The following SHANK1 variants were observed in gnomAD, a reference collection of about 807,000 sequenced individuals.
The protein encoded by SHANK1 is SH3 and multiple ankyrin repeat domains protein 1.
SHANK1 carries 35 observed loss-of-function variants against 165.6 expected under a neutral mutation model. The ratio of observed to expected loss-of-function variants is 0.21; its 90% CI spans 0.16 to 0.28. The LOEUF (loss-of-function observed/expected upper bound fraction) is 0.28. Ranked by LOEUF, SHANK1 falls within the 10% of genes least tolerant of loss-of-function variation. SHANK1 has a pLI of 1.00. For synonymous variants in SHANK1, 1,428 were observed against 1,384.8 expected (o/e 1.03, Z -0.69); for missense variants, 2,681 against 3,036.4 (o/e 0.88, Z 2.75).
At chr19:50,675,363 C>T (rs1276341991) in intron 21 of SHANK1, among the ~76,000 whole-genome samples, 1 of 152,218 alleles carries the variant, frequency 6.6e-6, no homozygotes, top group African/African-American at 2.4e-5. Flanking sequence ...CTGGTGGCTA[C>T]CAAATTGGAC....
rs890908104 is a variant in SHANK1 at position 50,713,710 on chromosome 19, T to C, written c.792+88A>G. The C allele has an allele frequency of 2.6e-6, 4 of 1,546,560 alleles. No homozygotes were observed. The highest frequency in any genetic ancestry group is 3.5e-6 in the Non-Finnish European group (4 of 1,137,806). On this transcript the variant is annotated intron_variant, in intron 6 of 23. Transcript: ENST00000293441. The surrounding 1 kb of genome is among the most constrained non-coding windows in gnomAD (Gnocchi z 6.2). ...GGACATGAGAGGGCCTATTTTTAAC[T>C]GAAACCAAAGAACTGAGGTTTGAGA...
chr19:50,673,701 T>C (rs1985882147), intron 21 of SHANK1, among the ~76,000 whole-genome samples: 1 of 152,152 alleles, frequency 6.6e-6, no homozygotes, highest in South Asian at 2.1e-4. Context: ...ATGATGCTTT[T>C]AGGGGAAGTG....
Position 50,702,549 on chromosome 19 carries a change from G to A in SHANK1, c.1665C>T (p.Pro555=), listed in dbSNP as rs146391723. The change falls in exon 12 of 24, where the codon CCC becomes CCT. Residue 555 remains proline (P), a synonymous_variant. Transcript: ENST00000293441. This position sits in a 1 kb window ranked among gnomAD's most constrained non-coding sequence, Gnocchi z 5.3. ...GRRRKLYSAV[P]GRSFMAVKSY... ...ACTTCACAGCCATGAAGGAGCGTCC[G>A]GGTACCGCTGAGTAGAGCTTCCTCC... The A allele has an allele frequency of 6.8e-3, 11,004 of 1,613,106 alleles. 59 individuals carry two copies. The highest frequency in any genetic ancestry group is 8.7e-3 in the Non-Finnish European group (10,231 of 1,179,846).
rs1488613653 is a variant in SHANK1, at chr19:50,719,563, G to C, written c.-201C>G. The stretch of plus-strand genomic sequence containing the variant: ...GAGGGGGCGGGCGGGGACCGGGGGG[G>C]AGGGCGGGAGGGCCGAGGACCTCAC... On this transcript the variant is annotated 5_prime_UTR_variant, in exon 1 of 24. Transcript: ENST00000293441. The C allele has an allele frequency of 6.9e-6, 1 of 145,874 alleles. No homozygotes were observed. The highest frequency in any genetic ancestry group is 2.5e-5 in the African/African-American group (1 of 39,962). The allele number at this position is 145,874 out of a possible 1,614,324, so 9.0% of individuals were successfully genotyped here.
chr19:50,710,529 G>A (rs1306517097), intron 8 of SHANK1, among the ~76,000 whole-genome samples: 2 of 152,198 alleles, frequency 1.3e-5, no homozygotes, highest in South Asian at 2.1e-4. Flanking sequence ...CTGCAGCTCA[G>A]GTGGCTAAAG....
rs757693938 is a variant in SHANK1 at position 50,716,410 on chromosome 19, G to A, written c.324C>T (p.Ser108=). 21 of 1,614,086 alleles carry A rather than the reference G, an allele frequency of 1.3e-5. No individual in the cohort carries two copies. The South Asian group carries it at 1.6e-4, about 13-fold the overall frequency. The change falls in exon 3 of 24, where the codon AGC becomes AGT. Residue 108 remains serine, a synonymous_variant. Coordinates refer to ENST00000293441, the MANE Select transcript of SHANK1 (RefSeq NM_016148.5). This position sits in a 1 kb window ranked among gnomAD's most constrained non-coding sequence, Gnocchi z 8.4. Reference sequence around the variant, plus strand: ...AGTTGAGCACATCCTGCAGGCTCTCGCTCAGGGCACAGAGCACCTGCTGCT... The same window carrying A: ...AGTTGAGCACATCCTGCAGGCTCTCACTCAGGGCACAGAGCACCTGCTGCT... The part of the protein sequence containing the change: ...TAKQQVLCAL[S]ESLQDVLNYG...
In SHANK1 at chr19:50,697,714, TCC is replaced by T; in HGVS notation, c.1862-52_1862-51del. On this transcript the variant is annotated intron_variant, in intron 13 of 23. Transcript: ENST00000293441. This position sits in a 1 kb window ranked among gnomAD's most constrained non-coding sequence, Gnocchi z 4.7. ...TGGACTCTTGTTTTGGAAACCACAA[TCC>T]CAGCCCTAGAGCTCCTGGCCCAAGT... The T allele has an allele frequency of 6.3e-7, 1 of 1,587,686 alleles. No homozygotes were observed.
intron 21 of SHANK1, among the ~76,000 whole-genome samples, chr19:50,680,641 C>T (rs1986146602): frequency 1.3e-5 from 2 of 150,818 alleles, no homozygotes; most frequent in Non-Finnish European, 2.9e-5. Flanking sequence ...TTTCCAAGTC[C>T]TTAGATAGTG....
rs370691948 is a variant in SHANK1 at position 50,690,267 on chromosome 19, C to G, written c.1965-988G>C. On this transcript the variant is annotated intron_variant, in intron 15 of 23. Coordinates refer to ENST00000293441, the MANE Select transcript of SHANK1 (RefSeq NM_016148.5). This position sits in a 1 kb window ranked among gnomAD's most constrained non-coding sequence, Gnocchi z 4.9. ...ATGCCACCAGCACATTTAGGTAAGG[C>G]TCACGTACCCAGGAAATGTCAATGA... 3.9e-5 allele frequency among the ~76,000 whole-genome samples: 6 copies of G among 152,088 alleles called. No individual in the cohort carries two copies. The highest frequency in any genetic ancestry group is 8.8e-5 in the Non-Finnish European group (6 of 68,002).
intron 15 of SHANK1, among the ~76,000 whole-genome samples, chr19:50,692,849 A>T (rs1986585397): frequency 1.0e-5 from 1 of 99,382 alleles, no homozygotes. Context: ...CTCACACCCT[A>T]TGGAGCCATC....
intron 21 of SHANK1, among the ~76,000 whole-genome samples, chr19:50,682,747 G>C (rs929236910): frequency 1.3e-5 from 2 of 152,208 alleles, no homozygotes; most frequent in Admixed American, 6.5e-5. Flanking sequence ...AATTTAGTGA[G>C]TGAATATGGA....
rs116658867 is a variant in SHANK1, at chr19:50,697,636, G to A, written c.1890C>T (p.Leu630=). The A allele has an allele frequency of 1.2e-3, 1,988 of 1,614,054 alleles. 20 individuals carry two copies. The African/African-American group carries it at 0.023, about 19-fold the overall frequency. The change falls in exon 14 of 24, where the codon CTC becomes CTT. Residue 630 remains leucine (L), a synonymous_variant. Transcript: ENST00000293441. The surrounding 1 kb of genome is among the most constrained non-coding windows in gnomAD (Gnocchi z 4.7). ...QESRSDKAKR[L]FRHYTVGSYD... ...AGGAGCCCACGGTATAATGCCGGAA[G>A]AGTCTCTTTGCCTTGTCACTGCGGC... is the stretch of plus-strand genomic sequence containing the variant.
In SHANK1 at chr19:50,660,434, T is replaced by C. The variant is rs972647051; in HGVS notation, c.*1531A>G. Reference sequence around the variant, plus strand: ...ATGGTGAGCAGGAAGCCAGTGTGCATAGGGTCTTCTCTCACCAGGAAGAGA... The same window carrying C: ...ATGGTGAGCAGGAAGCCAGTGTGCACAGGGTCTTCTCTCACCAGGAAGAGA... On this transcript the variant is annotated 3_prime_UTR_variant, in exon 24 of 24. Coordinates refer to ENST00000293441, the MANE Select transcript of SHANK1 (RefSeq NM_016148.5). 3.3e-5 allele frequency among the ~76,000 whole-genome samples: 5 copies of C among 151,800 alleles called. No individual in the cohort carries two copies. Among genetic ancestry groups the C allele is most frequent in the African/African-American group, 1.2e-4 (5 of 41,314 alleles).
chr19:50,667,333 G>A lies in SHANK1; in HGVS notation c.4627C>T (p.Pro1543Ser), dbSNP rs1411668507. 1.9e-6 allele frequency: 3 copies of A among 1,575,284 alleles called. No individual in the cohort carries two copies. The highest frequency in any genetic ancestry group is 2.7e-5 in the African/African-American group (2 of 74,586). ...GCGGGAGGCGGCAGGACCAGCAGGG[G>A]CAGCCCGTTCTCTTCGCTGGCCCTC... Reference protein sequence around the residue: ...SPRASEENGLPLLVLPPPAPS... With the variant: ...SPRASEENGLSLLVLPPPAPS... Residue 1543 changes from proline to serine, a missense_variant, in exon 23 of 24, where the codon CCC becomes TCC. Coordinates refer to ENST00000293441, the MANE Select transcript of SHANK1 (RefSeq NM_016148.5). This position sits in a 1 kb window ranked among gnomAD's most constrained non-coding sequence, Gnocchi z 5.7.
chr19:50,707,872 C>T (rs1478642214), intron 8 of SHANK1, among the ~76,000 whole-genome samples: 4 of 140,606 alleles, frequency 2.8e-5, no homozygotes, highest in Admixed American at 7.2e-5. Flanking sequence ...TGTACTTTTG[C>T]GTGTTTTTCT....
rs1449702153 is a variant in SHANK1, at chr19:50,668,506, A to C, written c.3454T>G (p.Ser1152Ala). Reference sequence around the variant, plus strand: ...ATGATGATGGTGGGGATGGGGATGGAGTTCTTCTCCGAGGGCGCGGCCACG... The same window carrying C: ...ATGATGATGGTGGGGATGGGGATGGCGTTCTTCTCCGAGGGCGCGGCCACG... ...PAVAAPSEKN[S>A]IPIPTIIIKA... The change falls in exon 23 of 24, where the codon TCC becomes GCC. Residue 1152 changes from serine to alanine, a missense_variant. This residue lies in a region of SHANK1 where 1,713 missense variants were observed against 1,630.2 expected (regional missense o/e 1.05). Coordinates refer to ENST00000293441, the MANE Select transcript of SHANK1 (RefSeq NM_016148.5). The C allele has an allele frequency of 1.5e-6, 2 of 1,346,626 alleles. No individual in the cohort carries two copies. The highest frequency in any genetic ancestry group is 1.9e-6 in the Non-Finnish European group (2 of 1,049,528). The allele number at this position is 1,346,626 out of a possible 1,614,324, so 83.4% of individuals were successfully genotyped here.
At chr19:50,695,274 G>A (rs1352763907) in intron 15 of SHANK1, among the ~76,000 whole-genome samples, 1 of 146,840 alleles carries the variant, frequency 6.8e-6, no homozygotes, top group Non-Finnish European at 1.5e-5. Context: ...CGCGGGGCGC[G>A]GGGTCGGGCC....
intron 8 of SHANK1, among the ~76,000 whole-genome samples, chr19:50,708,009 G>A (rs895017555): frequency 3.3e-5 from 5 of 150,028 alleles, no homozygotes; most frequent in Admixed American, 1.3e-4. Flanking sequence ...GTGCAATGGC[G>A]CGATCTCAGC....
intron 8 of SHANK1, among the ~76,000 whole-genome samples, chr19:50,706,027 C>T (rs1377810884): frequency 6.6e-6 from 1 of 152,068 alleles, no homozygotes; most frequent in Non-Finnish European, 1.5e-5. Context: ...GGCTTGGTGG[C>T]ACACGCCTGT....
Sources: allele counts gnomAD v4.1 joint callset (sites outside exome capture counted in the v4.1 genomes callset), GRCh38; gene constraint gnomAD v4.1.1; regional missense constraint gnomAD v4.1.1; non-coding constraint Gnocchi (gnomAD v3.1); transcripts MANE v1.5; gene names NCBI Gene and HGNC (gene_info 2026-07-23, HGNC 2026-07-21).